NCKAP5: variants seen among roughly 807,000 people sequenced by gnomAD.
NCKAP5 encodes nck-associated protein 5.
NCKAP5 carries 92 observed loss-of-function variants against 167.0 expected under a neutral mutation model. That is an observed-to-expected ratio of 0.55 (90% CI 0.47 to 0.66). The LOEUF is 0.66. Among genes scored for constraint, NCKAP5 ranks in the 30% least tolerant of loss-of-function variants. The pLI, the probability that NCKAP5 is intolerant of heterozygous loss-of-function variation, is 0.00. For missense variants in NCKAP5, 2,378 were observed against 2,315.0 expected (o/e 1.03, Z -0.56); for synonymous variants, 891 against 877.4 (o/e 1.02, Z -0.27).
intron 6 of NCKAP5, among the ~76,000 whole-genome samples, chr2:133,039,561 G>T (rs1220721046): frequency 6.6e-5 from 10 of 152,086 alleles, no homozygotes; most frequent in African/African-American, 2.2e-4. Context: ...CTATCATCTG[G>T]CAAGGTTTGG....
At chr2:132,932,538 C>T (rs773649566) in intron 8 of NCKAP5, among the ~76,000 whole-genome samples, 2 of 152,138 alleles carry the variant, frequency 1.3e-5, no homozygotes, top group Admixed American at 6.5e-5. Context: ...TTTGGTAACA[C>T]CAATGGCACT....
intron 3 of NCKAP5, among the ~76,000 whole-genome samples, chr2:133,407,002 CT>C (rs1688481333): frequency 1.3e-5 from 2 of 152,198 alleles, no homozygotes; most frequent in African/African-American, 4.8e-5. Context: ...TTTCTTGTGT[CT>C]CAGCTCTAGC....
chr2:133,496,492 C>A (rs550590140), intron 3 of NCKAP5, among the ~76,000 whole-genome samples: 3 of 152,222 alleles, frequency 2.0e-5, no homozygotes, highest in Admixed American at 2.0e-4. Flanking sequence ...TCTCATAAAA[C>A]TTAGGACTGT....
chr2:133,628,968 C>A, the NCKAP5 span, among the ~76,000 whole-genome samples: 1 of 152,158 alleles, frequency 6.6e-6, no homozygotes, highest in South Asian at 2.1e-4. Context: ...CTTCCTTACA[C>A]CTTATACAAA....
chr2:133,555,304 C>A (rs1049913397), intron 2 of NCKAP5, among the ~76,000 whole-genome samples: 2 of 152,212 alleles, frequency 1.3e-5, no homozygotes, highest in African/African-American at 4.8e-5. Flanking sequence ...AGAGTCAGCA[C>A]TGTCTGTGTA....
At chr2:132,748,512 A>G (rs763048388) in intron 16 of NCKAP5, among the ~76,000 whole-genome samples, 3 of 152,210 alleles carry the variant, frequency 2.0e-5, no homozygotes, top group Non-Finnish European at 4.4e-5. Context: ...TTCTTCAGAT[A>G]AAACAAATGC....
chr2:132,940,505 A>G (rs1283155126), intron 8 of NCKAP5, among the ~76,000 whole-genome samples: 3 of 152,218 alleles, frequency 2.0e-5, no homozygotes, highest in Non-Finnish European at 2.9e-5. Flanking sequence ...GGTTAAATCT[A>G]TTCTAAGAGC....
intron 3 of NCKAP5, among the ~76,000 whole-genome samples, chr2:133,490,719 A>C (rs1390607815): frequency 6.6e-6 from 1 of 152,226 alleles, no homozygotes; most frequent in African/African-American, 2.4e-5. Flanking sequence ...CACTGAGCAC[A>C]CACCCATATT....
At chr2:132,682,516 A>C (rs553675645) in intron 19 of NCKAP5, among the ~76,000 whole-genome samples, 1 of 152,360 alleles carries the variant, frequency 6.6e-6, no homozygotes, top group South Asian at 2.1e-4. Context: ...ATACATGTTA[A>C]GGACTTTTTA....
At chr2:133,135,072 T>C (rs2082740914) in intron 5 of NCKAP5, among the ~76,000 whole-genome samples, 1 of 152,178 alleles carries the variant, frequency 6.6e-6, no homozygotes, top group African/African-American at 2.4e-5. Flanking sequence ...TCGTTAGACT[T>C]ACAGACTAAT....
chr2:133,588,886 T>G, the NCKAP5 span, among the ~76,000 whole-genome samples: 1 of 152,100 alleles, frequency 6.6e-6, no homozygotes, highest in Non-Finnish European at 1.5e-5. Context: ...GGGCCCGAGA[T>G]GATCATCTGT....
chr2:133,591,673 G>T, the NCKAP5 span, among the ~76,000 whole-genome samples: 364 of 152,244 alleles, frequency 2.4e-3, 2 homozygotes, highest in African/African-American at 8.2e-3. Flanking sequence ...AAAACACCTG[G>T]ATCCCACCTT....
intron 5 of NCKAP5, among the ~76,000 whole-genome samples, chr2:133,211,338 C>T (rs539227676): frequency 1.3e-5 from 2 of 152,194 alleles, no homozygotes; most frequent in East Asian, 3.9e-4. Context: ...TTAAATGATC[C>T]TCTTGCCTCA....
At chr2:133,506,187 T>C (rs1434310516) in intron 3 of NCKAP5, among the ~76,000 whole-genome samples, 1 of 152,338 alleles carries the variant, frequency 6.6e-6, no homozygotes, top group Admixed American at 6.5e-5. Flanking sequence ...ACTGGTTACA[T>C]GGAACTTGTG....
chr2:133,067,381 A>T (rs2080234893), intron 6 of NCKAP5, among the ~76,000 whole-genome samples: 1 of 152,282 alleles, frequency 6.6e-6, no homozygotes, highest in Non-Finnish European at 1.5e-5. Context: ...CCTCCAAGAA[A>T]ATAGGCAACT....
chr2:133,610,980 G>A, the NCKAP5 span, among the ~76,000 whole-genome samples: 2 of 152,114 alleles, frequency 1.3e-5, no homozygotes, highest in Non-Finnish European at 1.5e-5. Flanking sequence ...TCAATGACAA[G>A]GGAAGACTAG....
At chr2:133,641,536 A>C in the NCKAP5 span, among the ~76,000 whole-genome samples, 5 of 152,184 alleles carry the variant, frequency 3.3e-5, no homozygotes, top group African/African-American at 1.2e-4. Flanking sequence ...GGCACCAACT[A>C]TCCTGTCCAT....
intron 18 of NCKAP5, among the ~76,000 whole-genome samples, chr2:132,728,003 C>T (rs35815097): frequency 0.12 from 17,952 of 152,178 alleles, 1,658 homozygotes; most frequent in East Asian, 0.45. Context: ...TGATACCAGA[C>T]CTGGGAAAGC....
At chr2:133,653,463 T>C in the NCKAP5 span, among the ~76,000 whole-genome samples, 1 of 152,236 alleles carries the variant, frequency 6.6e-6, no homozygotes, top group Non-Finnish European at 1.5e-5. Flanking sequence ...ACTCAGTAGA[T>C]ACTTGTTAAC....
Sources: gnomAD v4.1 joint callset for allele counts (sites outside exome capture counted in the v4.1 genomes callset) on GRCh38, gnomAD v4.1.1 for gene constraint, MANE v1.5 for transcripts, NCBI Gene and HGNC (gene_info 2026-07-23, HGNC 2026-07-21) for gene names.